The following PALD1 variants were observed in gnomAD, a reference collection of about 807,000 sequenced individuals.
PALD1 encodes phosphatase domain containing paladin 1.
Under a neutral mutation model 96.0 loss-of-function variants are expected in PALD1, and 57 were observed. The observed-to-expected ratio is 0.59, with a 90% CI of 0.48 to 0.74. PALD1 has a LOEUF of 0.74. PALD1 is among the 30% of genes least tolerant of loss of function. The probability of loss-of-function intolerance (pLI) is 0.00; values close to 1 mark genes in which losing one functional copy is unlikely to be tolerated. For synonymous variants in PALD1, 464 were observed against 473.6 expected (o/e 0.98, Z 0.26); for missense variants, 1,063 against 1,143.7 (o/e 0.93, Z 1.02).
chr10:70,516,466 G>A (rs1006660503), intron 1 of PALD1, among the ~76,000 whole-genome samples: 1 of 152,182 alleles, frequency 6.6e-6, no homozygotes, highest in Non-Finnish European at 1.5e-5. Context: ...ATGAATGAGT[G>A]AACTTAGTTT....
At chr10:70,483,714 C>T (rs975796279) in intron 1 of PALD1, among the ~76,000 whole-genome samples, 2 of 152,188 alleles carry the variant, frequency 1.3e-5, no homozygotes, top group Non-Finnish European at 2.9e-5. Context: ...GGACATTTTT[C>T]GAAGATTCTG....
intron 18 of PALD1, 85 bp from the exon 19 acceptor site, chr10:70,564,279 G>A: frequency 5.0e-6 from 7 of 1,398,612 alleles, no homozygotes; most frequent in Non-Finnish European, 3.9e-6. Context: ...ACCCTGCCCT[G>A]GCACTCAGGG....
intron 1 of PALD1, among the ~76,000 whole-genome samples, chr10:70,486,938 A>G (rs1404579137): frequency 6.6e-6 from 1 of 152,020 alleles, no homozygotes; most frequent in African/African-American, 2.4e-5. Flanking sequence ...GCTCAGCCCA[A>G]GGCCTGGTGG....
the PALD1 span, among the ~76,000 whole-genome samples, chr10:70,467,589 G>A: frequency 6.6e-6 from 1 of 152,216 alleles, no homozygotes; most frequent in Non-Finnish European, 1.5e-5. Context: ...GAGGATTCAA[G>A]TTAGGCAGCA....
At chr10:70,474,269 T>C (rs1417304635), upstream of PALD1, among the ~76,000 whole-genome samples, 1 of 151,934 alleles carries the variant, frequency 6.6e-6, no homozygotes, top group African/African-American at 2.4e-5. Context: ...TAGGATAAGA[T>C]AGATTAGAGG....
chr10:70,482,471 G>A (rs1845949819), intron 1 of PALD1, among the ~76,000 whole-genome samples: 2 of 152,180 alleles, frequency 1.3e-5, no homozygotes, highest in African/African-American at 4.8e-5. Flanking sequence ...ATTGAGCCTG[G>A]GAGCAGCAGG....
rs749233399 is a variant in PALD1, at chr10:70,539,181, G to A, written c.1659G>A (p.Leu553=). 3 of 1,613,184 alleles carry A rather than the reference G, an allele frequency of 1.9e-6. No homozygotes were observed. In the South Asian group the frequency reaches 3.3e-5, roughly 18 times the overall value. ...TGAGCCTTCGGGAGGAGGCCGTGTT[G>A]GAGTGTGACGGGCACACCTACAGCC... The part of the protein sequence containing the change: ...VWVSLREEAV[L]ECDGHTYSLR... Residue 553 remains leucine (L), a synonymous_variant, in exon 14 of 20, where the codon TTG becomes TTA. Coordinates refer to ENST00000263563, the MANE Select transcript of PALD1 (RefSeq NM_014431.3). The surrounding 1 kb of genome is among the most constrained non-coding windows in gnomAD (Gnocchi z 4.5).
chr10:70,464,355 G>T, the PALD1 span, among the ~76,000 whole-genome samples: 1 of 151,836 alleles, frequency 6.6e-6, no homozygotes, highest in South Asian at 2.1e-4. Context: ...GGGATTACAG[G>T]TGTGTGCCAC....
At chr10:70,547,467 A>ACCCCACCCCG in intron 18 of PALD1, 21 bp downstream of exon 18, 1 of 732,456 alleles carries the variant, frequency 1.4e-6, no homozygotes, top group Admixed American at 3.1e-5. Context: ...ACCCCACCCC[A>ACCCCACCCCG]CCCCACCCTG....
intron 18 of PALD1, among the ~76,000 whole-genome samples, chr10:70,551,481 G>T (rs1437988198): frequency 6.6e-6 from 1 of 152,146 alleles, no homozygotes; most frequent in Non-Finnish European, 1.5e-5. Flanking sequence ...GCCCGGGAAT[G>T]TTCTAGGACC....
In PALD1 at chr10:70,541,242, A is replaced by C. The variant is rs751816564; in HGVS notation, c.2049A>C (p.Gln683His). 4 of 1,603,534 alleles carry C rather than the reference A, an allele frequency of 2.5e-6. No individual in the cohort carries two copies. In the South Asian group the frequency reaches 4.5e-5, roughly 18 times the overall value. ...VVAVLAFWHI[Q>H]GFPEVGEEEL... is the part of the protein sequence containing the mutation. ...CTGTCCTGGCCTTCTGGCACATCCA[A>C]GTACGTGTGGCCTCTCAAGTGAGAT... is the stretch of plus-strand genomic sequence containing the variant. Residue 683 changes from glutamine (Q) to histidine (H), a missense_variant and splice_region_variant, in exon 16 of 20, where the codon CAA (glutamine) becomes CAC (histidine). Physicochemically the swap from Gln to His is conservative, Grantham distance 24 (BLOSUM62 0). Transcript: ENST00000263563.
At chr10:70,526,355 A>G (rs7905114) in intron 2 of PALD1, among the ~76,000 whole-genome samples, 23,945 of 152,134 alleles carry the variant, frequency 0.16, 2,303 homozygotes, top group Admixed American at 0.22. Context: ...AGCCCATGCT[A>G]CTCACCACGT....
rs1055288780 is a variant in PALD1 at position 70,478,989 on chromosome 10, G to C, written c.-100G>C. Reference sequence around the variant, plus strand: ...GGCGCGCCCCGTCGCTGCCTGACTCGGCGCCCGCAGTTCGGGCGCAGCACG... The same window carrying C: ...GGCGCGCCCCGTCGCTGCCTGACTCCGCGCCCGCAGTTCGGGCGCAGCACG... On this transcript the variant is annotated 5_prime_UTR_variant, in exon 1 of 20. Transcript: ENST00000263563. 1 of 152,130 alleles carries C rather than the reference G, an allele frequency of 6.6e-6. No homozygotes were observed. Among genetic ancestry groups the C allele is most frequent in the Non-Finnish European group, 1.5e-5 (1 of 68,036 alleles). The allele number at this position is 152,130 out of a possible 1,614,324, so 9.4% of individuals were successfully genotyped here. A position where few individuals can be genotyped will look rare whatever the true frequency, so the allele number is the denominator to read the frequency against.
chr10:70,498,953 C>T (rs949630747), intron 1 of PALD1, among the ~76,000 whole-genome samples: 4 of 151,436 alleles, frequency 2.6e-5, no homozygotes, highest in Admixed American at 6.6e-5. Flanking sequence ...AGGTATCATA[C>T]GTCTTTGGGA....
chr10:70,561,268 G>A (rs1338298731), intron 18 of PALD1, among the ~76,000 whole-genome samples: 3 of 152,232 alleles, frequency 2.0e-5, no homozygotes, highest in East Asian at 1.9e-4. Context: ...AGCTGAGGGC[G>A]TTTCACGCCC....
rs190941733 is a variant in PALD1 at position 70,486,985 on chromosome 10, C to T, written c.-30+7926C>T. Reference sequence around the variant, plus strand: ...CTGAATGCCCAAAGAGAAGGGCCCTCCCTAGAGACGAGCCCCAGAGTTGCC... The same window carrying T: ...CTGAATGCCCAAAGAGAAGGGCCCTTCCTAGAGACGAGCCCCAGAGTTGCC... On this transcript the variant is annotated intron_variant, in intron 1 of 19. Coordinates refer to ENST00000263563, the MANE Select transcript of PALD1 (RefSeq NM_014431.3). Among the ~76,000 whole-genome samples, 180 of 152,174 alleles carry T rather than the reference C, an allele frequency of 1.2e-3. 1 individual carries two copies. Among genetic ancestry groups the T allele is most frequent in the Admixed American group, 3.6e-3 (55 of 15,276 alleles).
At chr10:70,560,551 A>C (rs1232477642) in intron 18 of PALD1, among the ~76,000 whole-genome samples, 1 of 151,974 alleles carries the variant, frequency 6.6e-6, no homozygotes, top group East Asian at 1.9e-4. Flanking sequence ...TCAGGTCAGG[A>C]TGTGACGCGC....
intron 1 of PALD1, among the ~76,000 whole-genome samples, chr10:70,506,109 T>A (rs1241744593): frequency 6.6e-6 from 1 of 152,226 alleles, no homozygotes; most frequent in Admixed American, 6.5e-5. Flanking sequence ...TTACATGCAC[T>A]TCCCGTTTTA....
chr10:70,509,269 G>A lies in PALD1; in HGVS notation c.-29-16654G>A, dbSNP rs1169707602. 8.5e-5 allele frequency among the ~76,000 whole-genome samples: 13 copies of A among 152,222 alleles called. No homozygotes were observed. The East Asian group carries it at 2.5e-3, about 29-fold the overall frequency. On this transcript the variant is annotated intron_variant, in intron 1 of 19. Coordinates refer to ENST00000263563, the MANE Select transcript of PALD1 (RefSeq NM_014431.3). ...GAGGAATGAGGGAGTGGCAGGTGAA[G>A]TGCAGGAAGAGCCAGCTGCGGAAAC...
Sources: allele counts gnomAD v4.1 joint callset (sites outside exome capture counted in the v4.1 genomes callset), GRCh38; gene constraint gnomAD v4.1.1; non-coding constraint Gnocchi (gnomAD v3.1); transcripts MANE v1.5; gene names NCBI Gene and HGNC (gene_info 2026-07-23, HGNC 2026-07-21).